The following ADAMTS2 variants were observed in gnomAD, a reference collection of about 807,000 sequenced individuals.
ADAMTS2 encodes A disintegrin and metalloproteinase with thrombospondin motifs 2.
A neutral mutation model predicts 123.0 loss-of-function variants in ADAMTS2; 50 were observed. That is an observed-to-expected ratio of 0.41 (90% CI 0.32 to 0.51). ADAMTS2 has a LOEUF of 0.51. Ranked by LOEUF, ADAMTS2 falls within the 20% of genes least tolerant of loss-of-function variation. The pLI, the probability that ADAMTS2 is intolerant of heterozygous loss-of-function variation, is 0.35. For synonymous variants in ADAMTS2, 678 were observed against 695.4 expected (o/e 0.98, Z 0.39); for missense variants, 1,494 against 1,705.2 (o/e 0.88, Z 2.18).
intron 3 of ADAMTS2, among the ~76,000 whole-genome samples, chr5:179,216,665 T>C (rs1232164246): frequency 6.6e-6 from 1 of 152,220 alleles, no homozygotes; most frequent in Admixed American, 6.5e-5. Context: ...ACTGATCTGC[T>C]CACCTCCGGG....
intron 2 of ADAMTS2, among the ~76,000 whole-genome samples, chr5:179,302,174 G>A (rs1469860634): frequency 2.0e-5 from 3 of 152,036 alleles, no homozygotes; most frequent in Non-Finnish European, 2.9e-5. Flanking sequence ...AATAGACGGG[G>A]GTGATGGCCG....
intron 2 of ADAMTS2, among the ~76,000 whole-genome samples, chr5:179,275,574 A>AGAT (rs1264021630): frequency 6.6e-6 from 1 of 152,168 alleles, no homozygotes; most frequent in African/African-American, 2.4e-5. Context: ...GGGATTAGGC[A>AGAT]GATGCGCAGA....
chr5:179,114,229 A>G lies in ADAMTS2; in HGVS notation c.3274T>C (p.Ser1092Pro). The G allele has an allele frequency of 6.2e-7, 1 of 1,613,810 alleles. No homozygotes were observed. Among genetic ancestry groups the G allele is most frequent in the South Asian group, 1.1e-5 (1 of 91,054 alleles). Residue 1092 changes from serine to proline, a missense_variant, in exon 22 of 22, where the codon TCC becomes CCC. Ser to Pro is a moderately conservative substitution (Grantham distance 74, BLOSUM62 -1). Transcript: ENST00000251582. Reference protein sequence around the residue: ...IPGYNKLCCKSCNLYNNLTNV... With the variant: ...IPGYNKLCCKPCNLYNNLTNV... ...GTGAGGTTGTTGTACAGGTTACAGG[A>G]CTTGCAGCACAGCTTGTTGTAGCCT... is the stretch of plus-strand genomic sequence containing the variant.
chr5:179,278,724 G>A (rs934173690), intron 2 of ADAMTS2, among the ~76,000 whole-genome samples: 1 of 151,990 alleles, frequency 6.6e-6, no homozygotes, highest in African/African-American at 2.4e-5. Flanking sequence ...GGATCATGGG[G>A]AGGGCTCTGT....
chr5:179,196,251 T>TA (rs11453035), intron 4 of ADAMTS2, among the ~76,000 whole-genome samples: 2,437 of 152,102 alleles, frequency 0.016, 82 homozygotes, highest in African/African-American at 0.055. Flanking sequence ...AATCATTCAT[T>TA]CAAAAAAAAC....
At chr5:179,152,031 CCCCTG>C in intron 10 of ADAMTS2, 106 bp downstream of exon 10, 1 of 926,248 alleles carries the variant, frequency 1.1e-6, no homozygotes, top group Non-Finnish European at 1.7e-6. Context: ...CAGCAGAGGT[CCCCTG>C]AGAGGGCCCC....
chr5:179,147,934 C>T (rs1763282358), intron 10 of ADAMTS2, among the ~76,000 whole-genome samples: 1 of 152,048 alleles, frequency 6.6e-6, no homozygotes, highest in South Asian at 2.1e-4. Flanking sequence ...AAAATGTGAC[C>T]ATGTAAACAC....
At chr5:179,116,260 A>ACCCCCCCC (rs146306326) in intron 21 of ADAMTS2, among the ~76,000 whole-genome samples, 191 of 93,840 alleles carry the variant, frequency 2.0e-3, no homozygotes, top group Non-Finnish European at 2.5e-3. Flanking sequence ...TGACCACGGC[A>ACCCCCCCC]CCCCCCCCCC....
At position 179,304,218 on chromosome 5, in the gene ADAMTS2, CA is replaced by C. The variant is rs759044208; in HGVS notation, c.535-31155del. 3.4e-4 allele frequency among the ~76,000 whole-genome samples: 51 copies of C among 152,226 alleles called. 1 individual carries two copies. The highest frequency in any genetic ancestry group is 3.4e-3 in the Middle Eastern group (1 of 294). ...CCCAAGGGTTAATTACCTGATCAAA[CA>C]AAAATAATGACCTTCTCCATAGCAT... On this transcript the variant is annotated intron_variant, in intron 2 of 21. Transcript: ENST00000251582.
At chr5:179,297,395 C>T (rs1480413394) in intron 2 of ADAMTS2, among the ~76,000 whole-genome samples, 2 of 152,100 alleles carry the variant, frequency 1.3e-5, no homozygotes, top group African/African-American at 4.8e-5. Flanking sequence ...ACCTGCCTGG[C>T]AATGCAGAAA....
intron 2 of ADAMTS2, among the ~76,000 whole-genome samples, chr5:179,300,060 A>C (rs1046110277): frequency 7.1e-6 from 1 of 140,136 alleles, no homozygotes; most frequent in African/African-American, 2.7e-5. Flanking sequence ...ATGCCACTGC[A>C]CTCCAGCCTG....
chr5:179,316,653 T>C (rs1316302261), intron 2 of ADAMTS2, among the ~76,000 whole-genome samples: 1 of 152,116 alleles, frequency 6.6e-6, no homozygotes, highest in African/African-American at 2.4e-5. Flanking sequence ...CTGTCGAACA[T>C]GAAGTGGGGA....
chr5:179,166,417 C>T (rs907626243), intron 5 of ADAMTS2, among the ~76,000 whole-genome samples: 3 of 152,184 alleles, frequency 2.0e-5, no homozygotes, highest in Non-Finnish European at 2.9e-5. Flanking sequence ...TGATGGCCCT[C>T]ACCTTGGGTC....
At chr5:179,318,872 C>A (rs1315348115) in intron 2 of ADAMTS2, among the ~76,000 whole-genome samples, 2 of 152,200 alleles carry the variant, frequency 1.3e-5, no homozygotes, top group Admixed American at 1.3e-4. Context: ...AAGCAGCAGG[C>A]CTGGGCCACA....
At chr5:179,233,682 G>A (rs1449110746) in intron 3 of ADAMTS2, among the ~76,000 whole-genome samples, 1 of 152,102 alleles carries the variant, frequency 6.6e-6, no homozygotes, top group South Asian at 2.1e-4. Flanking sequence ...GTGAGACTCC[G>A]TTTCAAAACA....
intron 4 of ADAMTS2, among the ~76,000 whole-genome samples, chr5:179,201,387 A>G (rs1256239992): frequency 6.6e-6 from 1 of 152,244 alleles, no homozygotes; most frequent in Admixed American, 6.5e-5. Flanking sequence ...AGTGTGTGAC[A>G]GTCATATGGT....
At chr5:179,250,291 C>G (rs143028488) in intron 3 of ADAMTS2, among the ~76,000 whole-genome samples, 6 of 151,958 alleles carry the variant, frequency 3.9e-5, no homozygotes. Flanking sequence ...AACATAGTAC[C>G]GGACATTCTA....
At chr5:179,271,162 G>C (rs1437602480) in intron 3 of ADAMTS2, among the ~76,000 whole-genome samples, 1 of 152,200 alleles carries the variant, frequency 6.6e-6, no homozygotes, top group Non-Finnish European at 1.5e-5. Flanking sequence ...GGTGGGGGTG[G>C]AGGGAGGATT....
At chr5:179,143,341 G>A (rs1763201981) in intron 10 of ADAMTS2, among the ~76,000 whole-genome samples, 1 of 151,624 alleles carries the variant, frequency 6.6e-6, no homozygotes, top group Non-Finnish European at 1.5e-5. Context: ...GCTGAGACAG[G>A]AGAATCTCTT....
Sources: gnomAD v4.1 joint callset for allele counts (sites outside exome capture counted in the v4.1 genomes callset) on GRCh38, gnomAD v4.1.1 for gene constraint, MANE v1.5 for transcripts, NCBI Gene and HGNC (gene_info 2026-07-23, HGNC 2026-07-21) for gene names.